The following SNRPG variants were observed in gnomAD, a reference collection of about 807,000 sequenced individuals.
SNRPG encodes small nuclear ribonucleoprotein G.
SNRPG carries 3 observed loss-of-function variants against 13.9 expected under a neutral mutation model. The ratio of observed to expected loss-of-function variants is 0.22; its 90% CI spans 0.10 to 0.56. The LOEUF (loss-of-function observed/expected upper bound fraction) is 0.56, where lower values mean the gene tolerates loss of function less well. SNRPG is among the 20% of genes least tolerant of loss of function. The pLI, the probability that SNRPG is intolerant of heterozygous loss-of-function variation, is 0.93. For missense variants in SNRPG, 34 were observed against 96.1 expected, an observed-to-expected ratio of 0.35 and a Z score of 2.70; for synonymous variants, 29 against 29.3, an observed-to-expected ratio of 0.99 and a Z score of 0.03.
rs759919034 is a variant in SNRPG, at chr2:70,288,153, C to T, written c.95G>A (p.Arg32Gln). 1.6e-5 allele frequency: 25 copies of T among 1,611,556 alleles called. No homozygotes were observed. The highest frequency in any genetic ancestry group is 1.1e-4 in the East Asian group (5 of 44,860). Residue 32 changes from arginine to glutamine, a missense_variant, in exon 3 of 4, where the codon CGG becomes CAG. Arg to Gln is a conservative substitution (Grantham distance 43). Transcript: ENST00000272348. ...AAGGTTCATAAAGGGATCAAATCCC[C>T]GCAATATTCCTTGGACATGTCTGCC... ...NGGRHVQGIL[R>Q]GFDPFMNLVI...
At chr2:70,282,221 T>C (rs1296433800) in intron 3 of SNRPG, among the ~76,000 whole-genome samples, 1 of 152,060 alleles carries the variant, frequency 6.6e-6, no homozygotes, top group Non-Finnish European at 1.5e-5. Context: ...TGGCCCTAAT[T>C]TCACCTTCTA....
In SNRPG at chr2:70,281,503, A is replaced by C. The variant is rs1696782341; in HGVS notation, c.*131T>G. 2.0e-6 allele frequency: 1 copy of C among 488,238 alleles called. No homozygotes were observed. The highest frequency in any genetic ancestry group is 2.0e-5 in the African/African-American group (1 of 50,186). 30.2% of individuals were successfully genotyped at this position (488,238 alleles called of 1,614,324 possible). On this transcript the variant is annotated 3_prime_UTR_variant, in exon 4 of 4. Coordinates refer to ENST00000272348, the MANE Select transcript of SNRPG (RefSeq NM_003096.4). ...CTATATTCAGAACATCTGAGAAAGC[A>C]TTTTTGACTATTACAAAAGTTTATT...
In SNRPG at chr2:70,289,773, T is replaced by C. The variant is rs184190243; in HGVS notation, c.33-401A>G. Among the ~76,000 whole-genome samples, 241 of 152,188 alleles carry C rather than the reference T, an allele frequency of 1.6e-3. 2 individuals carry two copies. Among genetic ancestry groups the C allele is most frequent in the African/African-American group, 5.5e-3 (230 of 41,524 alleles). On this transcript the variant is annotated intron_variant, in intron 1 of 3. Transcript: ENST00000272348. Reference sequence around the variant, plus strand: ...CTGCAGTGAGCCATGATTGCGCCACTGCACTCCAGCTTGGGCAATAGAGCG... The same window carrying C: ...CTGCAGTGAGCCATGATTGCGCCACCGCACTCCAGCTTGGGCAATAGAGCG...
chr2:70,292,744 C>T (rs1162664316), intron 1 of SNRPG: 1 of 180,144 alleles, frequency 5.6e-6, no homozygotes, highest in East Asian at 1.5e-4. Flanking sequence ...ACATGCTACG[C>T]CAGAAAAAAC....
At chr2:70,281,732 C>A in intron 3 of SNRPG, 48 bp from the exon 4 acceptor site, 3 of 972,762 alleles carry the variant, frequency 3.1e-6, no homozygotes, top group Non-Finnish European at 4.8e-6. Flanking sequence ...AGGTAACAGA[C>A]ATAACTATGA....
intron 1 of SNRPG, among the ~76,000 whole-genome samples, chr2:70,292,434 G>A (rs1320355594): frequency 2.6e-5 from 4 of 152,112 alleles, no homozygotes; most frequent in African/African-American, 9.7e-5. Flanking sequence ...TGCAACCTCC[G>A]CTTCCCGGGT....
At chr2:70,293,531 A>C in intron 1 of SNRPG, 87 bp downstream of exon 1, 1 of 1,129,952 alleles carries the variant, frequency 8.8e-7, no homozygotes, top group Non-Finnish European at 1.4e-6. Flanking sequence ...GAAGCGGCTC[A>C]AGACATTCGG....
At chr2:70,293,223 C>T (rs768868003) in intron 1 of SNRPG, 1 of 702,408 alleles carries the variant, frequency 1.4e-6, no homozygotes, top group African/African-American at 1.7e-5. Flanking sequence ...ACACTTCCTT[C>T]CCTTCCAGCC....
chr2:70,288,393 T>C (rs1696995398), intron 2 of SNRPG, among the ~76,000 whole-genome samples: 1 of 152,196 alleles, frequency 6.6e-6, no homozygotes, highest in Non-Finnish European at 1.5e-5. Flanking sequence ...AGTATTATCC[T>C]TACTTTATAG....
intron 1 of SNRPG, 53 bp from the exon 2 acceptor site, chr2:70,289,425 T>C: frequency 1.1e-6 from 1 of 947,720 alleles, no homozygotes; most frequent in Non-Finnish European, 1.6e-6. Context: ...AATTTAAGCA[T>C]AAACAAGTAA....
chr2:70,282,878 G>A (rs1049552797), intron 3 of SNRPG, among the ~76,000 whole-genome samples: 4 of 152,056 alleles, frequency 2.6e-5, no homozygotes, highest in African/African-American at 7.2e-5. Context: ...TGGATCACCT[G>A]AGGTTGGGAG....
At position 70,293,679 on chromosome 2, in the gene SNRPG, T is replaced by G. The variant is rs756875894; in HGVS notation, c.-30A>C. ...TATACTCCGCGGGCTCACAGATGCC[T>G]TGGAACGCAACGCACGGCTTTCCTC... On this transcript the variant is annotated 5_prime_UTR_variant, in exon 1 of 4. Coordinates refer to ENST00000272348, the MANE Select transcript of SNRPG (RefSeq NM_003096.4). The G allele has an allele frequency of 2.5e-6, 4 of 1,612,044 alleles. No individual in the cohort carries two copies. Among genetic ancestry groups the G allele is most frequent in the Non-Finnish European group, 3.4e-6 (4 of 1,178,070 alleles).
rs1218451194 is a variant in SNRPG at position 70,293,437 on chromosome 2, G to A, written c.32+181C>T. ...CTGCCGGCTGTAACCACACCGACGC[G>A]CGAGCTCTGCGCGGGCTTCACGTCT... On this transcript the variant is annotated intron_variant, in intron 1 of 3. Coordinates refer to ENST00000272348, the MANE Select transcript of SNRPG (RefSeq NM_003096.4). The A allele has an allele frequency of 4.4e-6, 3 of 685,988 alleles. No homozygotes were observed. The Admixed American group carries it at 6.6e-5, about 15-fold the overall frequency. 42.5% of individuals were successfully genotyped at this position (685,988 alleles called of 1,614,324 possible). A position where few individuals can be genotyped will look rare whatever the true frequency, so the allele number is the denominator to read the frequency against.
Position 70,281,481 on chromosome 2 carries a change from T to C in SNRPG, c.*153A>G, listed in dbSNP as rs1696781672. 2.2e-6 allele frequency: 1 copy of C among 448,000 alleles called. No individual in the cohort carries two copies. Among genetic ancestry groups the C allele is most frequent in the South Asian group, 5.1e-5 (1 of 19,798 alleles). 27.8% of individuals were successfully genotyped at this position (448,000 alleles called of 1,614,324 possible). A position where few individuals can be genotyped will look rare whatever the true frequency, so the allele number is the denominator to read the frequency against. On this transcript the variant is annotated 3_prime_UTR_variant, in exon 4 of 4. Transcript: ENST00000272348. Reference sequence around the variant, plus strand: ...AACTGGAATGAGAGCTGATATTCTATATTCAGAACATCTGAGAAAGCATTT... The same window carrying C: ...AACTGGAATGAGAGCTGATATTCTACATTCAGAACATCTGAGAAAGCATTT...
At chr2:70,283,113 A>AAAAAAAAAAAC (rs1559041555) in intron 3 of SNRPG, among the ~76,000 whole-genome samples, 50 of 147,816 alleles carry the variant, frequency 3.4e-4, no homozygotes, top group African/African-American at 1.2e-3. Context: ...AAAAAAAAAA[A>AAAAAAAAAAAC]AAAAAAAAAA....
chr2:70,284,537 C>G (rs1696893220), intron 3 of SNRPG, among the ~76,000 whole-genome samples: 1 of 152,100 alleles, frequency 6.6e-6, no homozygotes, highest in South Asian at 2.1e-4. Context: ...GCATGAGCCA[C>G]CAAGCTGGGC....
chr2:70,287,918 C>T, intron 3 of SNRPG, 150 bp downstream of exon 3: 1 of 634,638 alleles, frequency 1.6e-6, no homozygotes, highest in Admixed American at 2.9e-5. Context: ...ATTACTACAG[C>T]TGAGTAACTG....
At chr2:70,287,378 TAGACAA>T (rs1427804101) in intron 3 of SNRPG, 1 of 698,616 alleles carries the variant, frequency 1.4e-6, no homozygotes, top group Admixed American at 2.0e-5. Context: ...TGTCCTGTGT[TAGACAA>T]AGAGGGACTC....
chr2:70,289,618 C>CTGGG (rs757989932), intron 1 of SNRPG, among the ~76,000 whole-genome samples: 25 of 152,128 alleles, frequency 1.6e-4, no homozygotes, highest in Non-Finnish European at 1.3e-4. Context: ...TGAGACCAGC[C>CTGGG]TGGGCAACAT....
Sources: allele counts gnomAD v4.1 joint callset (sites outside exome capture counted in the v4.1 genomes callset), GRCh38; gene constraint gnomAD v4.1.1; transcripts MANE v1.5; gene names NCBI Gene and HGNC (gene_info 2026-07-23, HGNC 2026-07-21).